MESP1: variants seen among roughly 807,000 people sequenced by gnomAD.
MESP1 encodes the protein mesoderm posterior protein 1.
MESP1 carries 22 observed loss-of-function variants against 15.2 expected under a neutral mutation model. That is an observed-to-expected ratio of 1.45 (90% CI 1.04 to 2.07). MESP1 has a LOEUF of 2.07. Among genes scored for constraint, MESP1 ranks in the 30% most tolerant of loss-of-function variants. MESP1 has a pLI of 0.00. For synonymous variants in MESP1, 216 were observed against 192.6 expected (o/e 1.12, Z -1.01); for missense variants, 484 against 411.9 (o/e 1.17, Z -1.51).
chr15:89,732,615 C>CCACACACACA, the MESP1 span, among the ~76,000 whole-genome samples: 69 of 148,560 alleles, frequency 4.6e-4, no homozygotes, highest in African/African-American at 1.1e-3. Flanking sequence ...TGTTGTTTGG[C>CCACACACACA]CACACACACA....
Position 89,751,015 on chromosome 15 carries a change from C to T in MESP1, c.217G>A (p.Gly73Ser). 8 of 1,359,438 alleles carry T rather than the reference C, an allele frequency of 5.9e-6. No homozygotes were observed. Among genetic ancestry groups the T allele is most frequent in the South Asian group, 1.8e-5 (1 of 54,628 alleles). 84.2% of individuals were successfully genotyped at this position (1,359,438 alleles called of 1,614,324 possible). Residue 73 changes from glycine to serine, a missense_variant, in exon 1 of 2, where the codon GGC becomes AGC. By Grantham distance (56) the Gly-to-Ser change is moderately conservative. Transcript: ENST00000300057. ...DPRAPSVGRR[G>S]ARSSRLGSGQ... The stretch of plus-strand genomic sequence containing the variant: ...CTGCCCAGGCGGCTGCTGCGCGCGC[C>T]GCGCCTACCTACGGAGGGGGCGCGG...
downstream of MESP1, chr15:89,749,768 G>A (rs1037693388): frequency 4.6e-6 from 1 of 216,182 alleles, no homozygotes; most frequent in South Asian, 7.5e-5. Context: ...GGCCTGTGGG[G>A]GTCGGGGGGC....
chr15:89,743,144 A>T, the MESP1 span: 3 of 711,642 alleles, frequency 4.2e-6, no homozygotes, highest in Non-Finnish European at 7.2e-6. Context: ...GCTGTGTACC[A>T]GGCTGAGCCC....
At chr15:89,732,969 C>G in the MESP1 span, 1 of 1,604,452 alleles carries the variant, frequency 6.2e-7, no homozygotes. Flanking sequence ...CTCCCCTACC[C>G]CGTTTTCTGA....
At chr15:89,743,416 G>A in the MESP1 span, 1 of 1,612,592 alleles carries the variant, frequency 6.2e-7, no homozygotes, top group Non-Finnish European at 8.5e-7. Flanking sequence ...TGGGATCTCT[G>A]AAAAGGAGGT....
chr15:89,741,133 C>T, the MESP1 span, among the ~76,000 whole-genome samples: 2 of 144,412 alleles, frequency 1.4e-5, no homozygotes, highest in African/African-American at 5.4e-5. Flanking sequence ...GAGCAAGAAT[C>T]TGTCTCAAAA....
downstream of MESP1, among the ~76,000 whole-genome samples, chr15:89,748,363 A>C (rs1191774286): frequency 6.6e-6 from 1 of 152,168 alleles, no homozygotes; most frequent in Non-Finnish European, 1.5e-5. Flanking sequence ...TCTGTGGCCA[A>C]GCGCCAGGCC....
the MESP1 span, chr15:89,737,589 A>G: frequency 2.7e-5 from 44 of 1,614,058 alleles, no homozygotes; most frequent in Non-Finnish European, 3.6e-5. Flanking sequence ...ATCTTTTCCA[A>G]GAATGGCTCT....
the MESP1 span, among the ~76,000 whole-genome samples, chr15:89,732,545 G>T: frequency 6.6e-6 from 1 of 152,142 alleles, no homozygotes; most frequent in African/African-American, 2.4e-5. Flanking sequence ...GAATGATGAT[G>T]ATTTCATAAG....
downstream of MESP1, among the ~76,000 whole-genome samples, chr15:89,747,406 C>T (rs1967992028): frequency 6.6e-6 from 1 of 152,252 alleles, no homozygotes; most frequent in South Asian, 2.1e-4. Context: ...CGCTGGCCTT[C>T]TCACTAGGTG....
At chr15:89,744,468 G>A in the MESP1 span, among the ~76,000 whole-genome samples, 1 of 152,232 alleles carries the variant, frequency 6.6e-6, no homozygotes, top group Admixed American at 6.5e-5. Context: ...GGAGAACTTA[G>A]GAAGATGGTC....
chr15:89,736,155 T>C, the MESP1 span, among the ~76,000 whole-genome samples: 1 of 152,200 alleles, frequency 6.6e-6, no homozygotes, highest in African/African-American at 2.4e-5. Context: ...AGAGCAGGGA[T>C]GGAGAGTTGA....
chr15:89,744,712 G>T, the MESP1 span, among the ~76,000 whole-genome samples: 2,487 of 152,328 alleles, frequency 0.016, 83 homozygotes, highest in African/African-American at 0.057. Flanking sequence ...GCAAAAAGGG[G>T]GATGTGTTGG....
At chr15:89,745,623 C>T (rs140663852), downstream of MESP1, among the ~76,000 whole-genome samples, 63 of 152,132 alleles carry the variant, frequency 4.1e-4, 1 homozygote, top group East Asian at 8.9e-3. The surrounding 1 kb of genome is among the most constrained non-coding windows in gnomAD (Gnocchi z 4.8). Context: ...ATTAGCGAGG[C>T]GTAGTGATGG....
the MESP1 span, chr15:89,743,474 G>GT: frequency 7.4e-7 from 1 of 1,342,532 alleles, no homozygotes; most frequent in Non-Finnish European, 1.1e-6. Flanking sequence ...CAAGAGAAAT[G>GT]TAACAGAGCC....
At chr15:89,748,160 C>A (rs1429093902), downstream of MESP1, among the ~76,000 whole-genome samples, 5 of 152,256 alleles carry the variant, frequency 3.3e-5, no homozygotes, top group Non-Finnish European at 5.9e-5. Flanking sequence ...AACTTTAATT[C>A]CCCATTCTAA....
rs1968050401 is a variant in MESP1, at chr15:89,750,012, C to A, written c.*132G>T. On this transcript the variant is annotated 3_prime_UTR_variant, in exon 2 of 2. Transcript: ENST00000300057. ...GGGCCGCCGCGGTGGGGACGGCTCT[C>A]ACCCGCAGGAATGCCCCCGTCGGGA... The A allele has an allele frequency of 2.3e-6, 2 of 886,368 alleles. No individual in the cohort carries two copies. The highest frequency in any genetic ancestry group is 1.5e-5 in the South Asian group (1 of 68,452). The allele number at this position is 886,368 out of a possible 1,614,324, so 54.9% of individuals were successfully genotyped here.
At chr15:89,738,221 G>C in the MESP1 span, 4 of 1,609,792 alleles carry the variant, frequency 2.5e-6, no homozygotes, top group Admixed American at 3.4e-5. Context: ...AGATGTGAGC[G>C]TTTCCTCCAG....
chr15:89,744,954 C>T (rs1967898457), downstream of MESP1, among the ~76,000 whole-genome samples: 1 of 152,230 alleles, frequency 6.6e-6, no homozygotes, highest in African/African-American at 2.4e-5. Flanking sequence ...TTTCCTGAAC[C>T]ACTCACTGTA....
Sources: allele counts gnomAD v4.1 joint callset (sites outside exome capture counted in the v4.1 genomes callset), GRCh38; gene constraint gnomAD v4.1.1; non-coding constraint Gnocchi (gnomAD v3.1); transcripts MANE v1.5; gene names NCBI Gene and HGNC (gene_info 2026-07-23, HGNC 2026-07-21).